Variants in NFRKB observed in about 807,000 individuals in gnomAD.
NFRKB encodes nuclear factor related to kappa-B-binding protein.
Under a neutral mutation model 135.7 loss-of-function variants are expected in NFRKB, and 62 were observed. That is an observed-to-expected ratio of 0.46 (90% CI 0.37 to 0.56). The LOEUF (loss-of-function observed/expected upper bound fraction) is 0.56. Among genes scored for constraint, NFRKB ranks in the 20% least tolerant of loss-of-function variants. The pLI is 0.00. For missense variants in NFRKB, 1,545 were observed against 1,662.0 expected, an observed-to-expected ratio of 0.93 and a Z score of 1.22; for synonymous variants, 678 against 635.6, an observed-to-expected ratio of 1.07 and a Z score of -1.00.
At chr11:129,894,023 C>G (rs934381387) in intron 2 of NFRKB, 1 of 152,192 alleles carries the variant, frequency 6.6e-6, no homozygotes, top group Non-Finnish European at 1.5e-5. Flanking sequence ...CCATTTGATC[C>G]GTATAATCAT....
In NFRKB at chr11:129,884,729, G is replaced by A; in HGVS notation, c.742+16C>T. On this transcript the variant is annotated intron_variant, in intron 7 of 26. Transcript: ENST00000682444. ...GCAATGTCCCAGAATGGTGACAGCG[G>A]CAGCTTGGTTCTCACCTGCAGTTTT... The A allele has an allele frequency of 6.2e-7, 1 of 1,612,976 alleles. No homozygotes were observed. Among genetic ancestry groups the A allele is most frequent in the South Asian group, 1.1e-5 (1 of 91,002 alleles).
chr11:129,877,201 C>T, intron 16 of NFRKB, 124 bp downstream of exon 16: 1 of 980,756 alleles, frequency 1.0e-6, no homozygotes, highest in Non-Finnish European at 1.6e-6. Flanking sequence ...TCCCAGCCAA[C>T]AGAAGGTCTA....
At position 129,874,324 on chromosome 11, in the gene NFRKB, T is replaced by A. The variant is rs1397443146; in HGVS notation, c.2068A>T (p.Ser690Cys). Reference protein sequence around the residue: ...PKPPSKVKSSSKESSIKVLSS... With the variant: ...PKPPSKVKSSCKESSIKVLSS... ...AGGACCTTTATGGAGCTCTCCTTGC[T>A]ACTGGACTTCTAGAACGGAAGACAA... Residue 690 changes from serine to cysteine, a missense_variant, in exon 21 of 27, where the codon AGC (serine) becomes TGC (cysteine). Physicochemically the swap from Ser to Cys is moderately radical, Grantham distance 112. This residue lies in a region of NFRKB where 753 missense variants were observed against 804.3 expected (regional missense o/e 0.94). Coordinates refer to ENST00000682444, the MANE Select transcript of NFRKB (RefSeq NM_001143835.2). This position sits in a 1 kb window ranked among gnomAD's most constrained non-coding sequence, Gnocchi z 4.5. 4 of 1,518,372 alleles carry A rather than the reference T, an allele frequency of 2.6e-6. No individual in the cohort carries two copies. The highest frequency in any genetic ancestry group is 4.5e-5 in the East Asian group (2 of 44,092). The allele number at this position is 1,518,372 out of a possible 1,614,324, so 94.1% of individuals were successfully genotyped here. A position where few individuals can be genotyped will look rare whatever the true frequency, so the allele number is the denominator to read the frequency against.
At chr11:129,878,601 C>T (rs935207928) in intron 13 of NFRKB, 58 bp from the exon 14 acceptor site, 11 of 1,381,982 alleles carry the variant, frequency 8.0e-6, no homozygotes, top group African/African-American at 2.9e-5. Flanking sequence ...ATTGAGAATC[C>T]TGCTTTCTCT....
At chr11:129,880,492 C>A (rs1948977694) in intron 13 of NFRKB, among the ~76,000 whole-genome samples, 1 of 152,066 alleles carries the variant, frequency 6.6e-6, no homozygotes, top group Admixed American at 6.6e-5. Flanking sequence ...AAAGGTTCTA[C>A]CTCCTCCATC....
At chr11:129,882,847 G>A (rs1054292873) in intron 9 of NFRKB, among the ~76,000 whole-genome samples, 1 of 151,894 alleles carries the variant, frequency 6.6e-6, no homozygotes, top group Non-Finnish European at 1.5e-5. Flanking sequence ...GCAGTGGTGC[G>A]ATCATAGCTC....
intron 23 of NFRKB, 109 bp from the exon 24 acceptor site, chr11:129,870,370 T>A (rs150697498): frequency 2.3e-6 from 3 of 1,282,260 alleles, no homozygotes; most frequent in South Asian, 1.5e-5. Context: ...ATTTTTTTTT[T>A]AACTTTTTAT....
Position 129,876,872 on chromosome 11 carries a change from G to C in NFRKB, c.1596C>G (p.Pro532=). 2 of 1,614,052 alleles carry C rather than the reference G, an allele frequency of 1.2e-6. No individual in the cohort carries two copies. The highest frequency in any genetic ancestry group is 1.7e-6 in the Non-Finnish European group (2 of 1,179,988). Residue 532 remains proline, a synonymous_variant, in exon 17 of 27, where the codon CCC becomes CCG. Transcript: ENST00000682444. ...QEQERYRYSQ[P]HKAFTFRMHG... is the part of the protein sequence containing the mutation. The stretch of plus-strand genomic sequence containing the variant: ...GCATGCGAAAGGTGAACGCCTTATG[G>C]GGTTGGCTATACCTGTAACGCTCCT...
chr11:129,894,026 A>G (rs898707525), intron 2 of NFRKB: 2 of 152,246 alleles, frequency 1.3e-5, no homozygotes, highest in Non-Finnish European at 2.9e-5. Context: ...TTTGATCCGT[A>G]TAATCATGTA....
chr11:129,888,121 C>T (rs1019668317), intron 4 of NFRKB, among the ~76,000 whole-genome samples: 4 of 152,030 alleles, frequency 2.6e-5, no homozygotes, highest in Admixed American at 2.0e-4. Flanking sequence ...GGTAACAGGG[C>T]GGTGATGATA....
At chr11:129,870,373 CT>C in intron 23 of NFRKB, 112 bp from the exon 24 acceptor site, 1 of 1,275,406 alleles carries the variant, frequency 7.8e-7, no homozygotes, top group Non-Finnish European at 1.1e-6. Flanking sequence ...TTTTTTTTAA[CT>C]TTTTATTTTG....
At chr11:129,895,047 C>A (rs1453141020) in intron 1 of NFRKB, among the ~76,000 whole-genome samples, 1 of 152,172 alleles carries the variant, frequency 6.6e-6, no homozygotes, top group Admixed American at 6.5e-5. Flanking sequence ...GGAGTTGGAC[C>A]CCGGAAGCCA....
chr11:129,887,745 T>C (rs534598925), intron 4 of NFRKB, among the ~76,000 whole-genome samples: 5 of 152,240 alleles, frequency 3.3e-5, no homozygotes, highest in South Asian at 2.1e-4. Context: ...TCAAGAGAAT[T>C]TGAACATGAA....
chr11:129,873,686 A>C (rs1389878249), intron 22 of NFRKB, 59 bp downstream of exon 22: 3 of 1,583,766 alleles, frequency 1.9e-6, no homozygotes, highest in East Asian at 4.5e-5. Context: ...CATCTGACTC[A>C]TCAGCCCACC....
chr11:129,878,023 A>G (rs576701382), intron 15 of NFRKB, among the ~76,000 whole-genome samples: 1 of 152,264 alleles, frequency 6.6e-6, no homozygotes, highest in East Asian at 1.9e-4. Flanking sequence ...ATAATTCTCA[A>G]GTAGGAGCCC....
chr11:129,884,021 T>G, intron 8 of NFRKB, 49 bp downstream of exon 8: 5 of 1,594,444 alleles, frequency 3.1e-6, no homozygotes, highest in Non-Finnish European at 3.4e-6. Flanking sequence ...CAGCCAATCC[T>G]GAGACATCAG....
intron 24 of NFRKB, among the ~76,000 whole-genome samples, chr11:129,867,113 G>A (rs1948229985): frequency 6.6e-6 from 1 of 152,122 alleles, no homozygotes; most frequent in Non-Finnish European, 1.5e-5. Flanking sequence ...CCAAAAAGCT[G>A]ACTAGACAGG....
At chr11:129,887,819 C>T (rs1413303576) in intron 4 of NFRKB, among the ~76,000 whole-genome samples, 7 of 152,174 alleles carry the variant, frequency 4.6e-5, no homozygotes, top group Admixed American at 3.9e-4. Flanking sequence ...GGGCAGATCA[C>T]GAGGTCAGGA....
intron 13 of NFRKB, 111 bp downstream of exon 13, chr11:129,881,332 A>G (rs1949015242): frequency 7.5e-6 from 8 of 1,064,586 alleles, no homozygotes; most frequent in African/African-American, 1.6e-5. Context: ...AAGGTCTGAT[A>G]TTGCTTTTTA....
Sources: allele counts gnomAD v4.1 joint callset (sites outside exome capture counted in the v4.1 genomes callset), GRCh38; gene constraint gnomAD v4.1.1; regional missense constraint gnomAD v4.1.1; non-coding constraint Gnocchi (gnomAD v3.1); transcripts MANE v1.5; gene names NCBI Gene and HGNC (gene_info 2026-07-23, HGNC 2026-07-21).